The following TAF1 variants were observed in gnomAD, a reference collection of about 807,000 sequenced individuals.
TAF1 encodes the protein transcription initiation factor TFIID subunit 1.
A neutral mutation model predicts 138.5 loss-of-function variants in TAF1; 2 were observed. The observed-to-expected ratio is 0.01, with a 90% CI of 0.01 to 0.05. The LOEUF is 0.05. TAF1 is among the 10% of genes least tolerant of loss of function. The probability of loss-of-function intolerance (pLI) is 1.00; values close to 1 mark genes in which losing one functional copy is unlikely to be tolerated. For missense variants in TAF1, 709 were observed against 1,478.0 expected (o/e 0.48, Z 8.53); for synonymous variants, 437 against 503.2 (o/e 0.87, Z 1.76).
At chrX:71,462,487 G>T (rs771021660) in intron 37 of TAF1, among the ~76,000 whole-genome samples, 38 of 110,669 alleles carry the variant, frequency 3.4e-4, no homozygotes, top group Non-Finnish European at 6.2e-4. Context: ...CAGGAGAATC[G>T]CTTGAACCCA....
chrX:71,469,524 C>T (rs1274436309), downstream of TAF1, among the ~76,000 whole-genome samples: 1 of 107,769 alleles, frequency 9.3e-6, no homozygotes, highest in Non-Finnish European at 1.9e-5. Context: ...GAGACCTCCT[C>T]TCTACAAATA....
At chrX:71,375,138 TGAG>T in intron 3 of TAF1, 26 bp from the exon 4 acceptor site, 3 of 1,202,471 alleles carry the variant, frequency 2.5e-6, no homozygotes, top group Non-Finnish European at 3.4e-6. Flanking sequence ...TTTTGGATAT[TGAG>T]GAGATCACCT....
At chrX:71,411,487 GA>G (rs1013878694) in intron 28 of TAF1, among the ~76,000 whole-genome samples, 7 of 108,707 alleles carry the variant, frequency 6.4e-5, no homozygotes, top group Non-Finnish European at 7.7e-5. Flanking sequence ...TCAAAAAAAA[GA>G]AAAAAAAAGA....
intron 3 of TAF1, among the ~76,000 whole-genome samples, chrX:71,374,636 G>T (rs2148200055): frequency 9.1e-6 from 1 of 109,608 alleles, no homozygotes; most frequent in South Asian, 4.0e-4. Context: ...TTGTAGAGAT[G>T]GGGTTTCTCC....
At chrX:71,376,273 A>T (rs1329115749) in intron 4 of TAF1, among the ~76,000 whole-genome samples, 2 of 112,092 alleles carry the variant, frequency 1.8e-5, no homozygotes, top group Non-Finnish European at 3.8e-5. Context: ...GGCTTAAAAA[A>T]ATTCTCCAGC....
chrX:71,394,735 G>A (rs1405959670), intron 22 of TAF1, among the ~76,000 whole-genome samples: 1 of 111,954 alleles, frequency 8.9e-6, no homozygotes, highest in Admixed American at 9.5e-5. Context: ...AGGCTCAAAC[G>A]ATCCTCCTGC....
intron 13 of TAF1, among the ~76,000 whole-genome samples, chrX:71,496,144 C>T (rs776811185): frequency 1.8e-5 from 2 of 112,218 alleles, no homozygotes; most frequent in South Asian, 7.3e-4. Flanking sequence ...ACTGAATACC[C>T]ATTGTGTCTT....
At chrX:71,398,354 A>C (rs1197924662) in intron 23 of TAF1, among the ~76,000 whole-genome samples, 1 of 111,142 alleles carries the variant, frequency 9.0e-6, no homozygotes, top group East Asian at 2.8e-4. Flanking sequence ...GAAAAAAAAA[A>C]AAAAACCTTA....
rs1299642261 is a variant in TAF1 at position 71,459,632 on chromosome X, G to A, written c.5145G>A (p.Glu1715=). Residue 1715 remains glutamate (E), a synonymous_variant, in exon 36 of 38, where the codon GAG becomes GAA. Coordinates refer to ENST00000423759, the MANE Select transcript of TAF1 (RefSeq NM_004606.5). ...AGCCTCAAGCCAGTGTCCTGTATGA[G>A]GATTTGCTTATGTCTGAAGGAGAAG... The part of the protein sequence containing the change: ...VQQPQASVLY[E]DLLMSEGEDD... 1.7e-6 allele frequency: 2 copies of A among 1,209,203 alleles called. No homozygotes were observed. The highest frequency in any genetic ancestry group is 5.9e-5 in the East Asian group (2 of 33,744).
chrX:71,503,902 C>T, intron 13 of TAF1, among the ~76,000 whole-genome samples: 1 of 110,427 alleles, frequency 9.1e-6, no homozygotes, highest in Non-Finnish European at 1.9e-5. Context: ...ATTTCAACTC[C>T]ACTAGGCTAC....
chrX:71,514,296 GGTGGTAGA>G (rs1242696514), intron 13 of TAF1, among the ~76,000 whole-genome samples: 1 of 109,696 alleles, frequency 9.1e-6, no homozygotes, highest in African/African-American at 3.3e-5. Context: ...CTCTAGCCTG[GGTGGTAGA>G]GTGAGATCCC....
At chrX:71,385,949 G>C (rs2034192400) in intron 14 of TAF1, among the ~76,000 whole-genome samples, 1 of 110,849 alleles carries the variant, frequency 9.0e-6, no homozygotes, top group African/African-American at 3.3e-5. Flanking sequence ...ATCACCTGAG[G>C]TCAGGAGTTC....
intron 32 of TAF1, among the ~76,000 whole-genome samples, chrX:71,452,906 C>G (rs1159362770): frequency 8.9e-6 from 1 of 112,308 alleles, no homozygotes; most frequent in African/African-American, 3.2e-5. Flanking sequence ...CAAAAAAATA[C>G]GAAAACCAGT....
chrX:71,486,613 G>T (rs1295270459), intron 13 of TAF1, among the ~76,000 whole-genome samples: 3 of 108,067 alleles, frequency 2.8e-5, no homozygotes, highest in African/African-American at 1.0e-4. Flanking sequence ...GCCTTCCAAA[G>T]TGCTGGGATT....
chrX:71,466,452 A>G (rs1280114062), downstream of TAF1: 2 of 111,301 alleles, frequency 1.8e-5, no homozygotes, highest in Non-Finnish European at 3.8e-5. Context: ...ATCTCAGCTC[A>G]CTGCAACATC....
intron 13 of TAF1, among the ~76,000 whole-genome samples, chrX:71,519,119 G>C (rs1446079380): frequency 9.2e-6 from 1 of 108,691 alleles, no homozygotes; most frequent in African/African-American, 3.3e-5. Flanking sequence ...TCAGGAGATC[G>C]AGACCATCCT....
At chrX:71,503,346 G>GTATA (rs1177943296) in intron 13 of TAF1, among the ~76,000 whole-genome samples, 3 of 91,734 alleles carry the variant, frequency 3.3e-5, no homozygotes, top group Non-Finnish European at 4.2e-5. Context: ...ATATATATGT[G>GTATA]TATATATATA....
At chrX:71,477,332 C>G (rs957671911) in intron 13 of TAF1, among the ~76,000 whole-genome samples, 3 of 109,758 alleles carry the variant, frequency 2.7e-5, no homozygotes, top group Non-Finnish European at 3.8e-5. Flanking sequence ...ACTCTGTCAC[C>G]CAGGCTGCAT....
At chrX:71,508,086 C>CTCTCTCTCTCTCTCTCTATATATA (rs4040068) in intron 13 of TAF1, among the ~76,000 whole-genome samples, 9 of 92,175 alleles carry the variant, frequency 9.8e-5, no homozygotes, top group South Asian at 5.0e-4. Context: ...CTCTCTCTCT[C>CTCTCTCTCTCTCTCTCTATATATA]TATATATATA....
Sources: allele counts gnomAD v4.1 joint callset (sites outside exome capture counted in the v4.1 genomes callset), GRCh38; gene constraint gnomAD v4.1.1; transcripts MANE v1.5; gene names NCBI Gene and HGNC (gene_info 2026-07-23, HGNC 2026-07-21).